Variants in MRPL22 observed in about 807,000 individuals in gnomAD.
MRPL22 encodes large ribosomal subunit protein uL22m.
MRPL22 carries 27 observed loss-of-function variants against 32.4 expected under a neutral mutation model. The observed-to-expected ratio is 0.83, with a 90% CI of 0.61 to 1.15. The LOEUF (loss-of-function observed/expected upper bound fraction) is 1.15. Among genes scored for constraint, MRPL22 ranks in the 50% most tolerant of loss-of-function variants. The pLI, the probability that MRPL22 is intolerant of heterozygous loss-of-function variation, is 0.00. For missense variants in MRPL22, 239 were observed against 260.2 expected, an observed-to-expected ratio of 0.92 and a Z score of 0.56; for synonymous variants, 86 against 87.3, an observed-to-expected ratio of 0.99 and a Z score of 0.08.
Position 154,957,228 on chromosome 5 carries a change from TG to T in MRPL22, c.339+19del. 6.2e-7 allele frequency: 1 copy of T among 1,603,346 alleles called. No homozygotes were observed. The highest frequency in any genetic ancestry group is 8.5e-7 in the Non-Finnish European group (1 of 1,170,260). ...AATTAAAGAGGTAAACTTACAAGTT[TG>T]GGTGTGGTAGGGAATGGGGAACTGG... On this transcript the variant is annotated intron_variant, in intron 5 of 6. Coordinates refer to ENST00000523037, the MANE Select transcript of MRPL22 (RefSeq NM_014180.4).
chr5:154,951,001 T>A, intron 3 of MRPL22, 63 bp downstream of exon 3: 1 of 1,037,830 alleles, frequency 9.6e-7, no homozygotes, highest in Non-Finnish European at 1.5e-6. Context: ...AAGTGATTAG[T>A]AATGATTTAT....
At chr5:154,949,989 T>C (rs1041997566) in intron 2 of MRPL22, among the ~76,000 whole-genome samples, 2 of 152,160 alleles carry the variant, frequency 1.3e-5, no homozygotes, top group African/African-American at 4.8e-5. Context: ...ATTAGTCCAT[T>C]TCACACTGCT....
chr5:154,964,352 G>A (rs1764740571), intron 6 of MRPL22, among the ~76,000 whole-genome samples: 1 of 152,130 alleles, frequency 6.6e-6, no homozygotes, highest in African/African-American at 2.4e-5. Context: ...CAGCATTACA[G>A]TGTTATATAT....
chr5:154,966,949 A>C lies in MRPL22; in HGVS notation c.*52A>C. On this transcript the variant is annotated 3_prime_UTR_variant, in exon 7 of 7. Coordinates refer to ENST00000523037, the MANE Select transcript of MRPL22 (RefSeq NM_014180.4). ...TATATTTTGCCATTTATTTTCTAAA[A>C]ATAAACAAAAATTGAAGGCAAATGC... 6.7e-7 allele frequency: 1 copy of C among 1,499,256 alleles called. No homozygotes were observed. Among genetic ancestry groups the C allele is most frequent in the Non-Finnish European group, 9.0e-7 (1 of 1,113,820 alleles). 92.9% of individuals were successfully genotyped at this position (1,499,256 alleles called of 1,614,324 possible). A position where few individuals can be genotyped will look rare whatever the true frequency, so the allele number is the denominator to read the frequency against.
At chr5:154,956,489 G>A (rs755637585) in intron 4 of MRPL22, 53 bp downstream of exon 4, 41 of 1,262,502 alleles carry the variant, frequency 3.2e-5, no homozygotes, top group Non-Finnish European at 4.4e-5. Flanking sequence ...AAGAAGCTAT[G>A]AGTTCCCCTC....
At chr5:154,960,219 A>G (rs1029566249) in intron 6 of MRPL22, among the ~76,000 whole-genome samples, 170 bp downstream of exon 6, 3 of 152,188 alleles carry the variant, frequency 2.0e-5, no homozygotes, top group African/African-American at 7.2e-5. Flanking sequence ...AATTTAGTGT[A>G]AATGACAATA....
At chr5:154,961,469 G>A (rs899428073) in intron 6 of MRPL22, among the ~76,000 whole-genome samples, 2 of 152,168 alleles carry the variant, frequency 1.3e-5, no homozygotes, top group Non-Finnish European at 2.9e-5. Context: ...TGTGAGATTC[G>A]TAGCTGATAG....
intron 6 of MRPL22, among the ~76,000 whole-genome samples, chr5:154,960,306 C>T (rs1405994136): frequency 6.6e-6 from 1 of 152,044 alleles, no homozygotes; most frequent in Non-Finnish European, 1.5e-5. Flanking sequence ...ATAATAGATA[C>T]CAAGACTGGG....
intron 2 of MRPL22, among the ~76,000 whole-genome samples, chr5:154,948,414 C>T (rs1764519402): frequency 1.3e-5 from 2 of 151,962 alleles, no homozygotes; most frequent in Admixed American, 6.6e-5. Flanking sequence ...TTTATTCAAC[C>T]CTCTCTTTTT....
chr5:154,951,243 G>T (rs545445160), intron 3 of MRPL22, among the ~76,000 whole-genome samples: 35 of 152,276 alleles, frequency 2.3e-4, no homozygotes, highest in African/African-American at 7.5e-4. Flanking sequence ...TGTGGAGTTG[G>T]CAAGAATGAC....
chr5:154,958,098 T>C (rs1764654649), intron 5 of MRPL22, among the ~76,000 whole-genome samples: 1 of 152,008 alleles, frequency 6.6e-6, no homozygotes, highest in African/African-American at 2.4e-5. Context: ...TTTGTATTTT[T>C]AGTAGAGATG....
At chr5:154,950,393 A>G (rs1232590285) in intron 2 of MRPL22, among the ~76,000 whole-genome samples, 2 of 152,170 alleles carry the variant, frequency 1.3e-5, no homozygotes, top group Non-Finnish European at 2.9e-5. Context: ...GCTGTTTCCC[A>G]TATTTTAGTT....
intron 2 of MRPL22, among the ~76,000 whole-genome samples, chr5:154,948,550 G>A (rs915520652): frequency 6.6e-6 from 1 of 152,066 alleles, no homozygotes; most frequent in African/African-American, 2.4e-5. Flanking sequence ...TTCCTATTTT[G>A]AATCTAGGGG....
chr5:154,960,409 A>G (rs942096621), intron 6 of MRPL22, among the ~76,000 whole-genome samples: 3 of 152,228 alleles, frequency 2.0e-5, no homozygotes, highest in Non-Finnish European at 2.9e-5. Flanking sequence ...GTAAATAATC[A>G]CAGGTGCATT....
At chr5:154,962,965 A>C (rs1407891882) in intron 6 of MRPL22, among the ~76,000 whole-genome samples, 1 of 152,188 alleles carries the variant, frequency 6.6e-6, no homozygotes, top group African/African-American at 2.4e-5. Context: ...TTTGAGACGG[A>C]GTCTCACTCT....
intron 2 of MRPL22, among the ~76,000 whole-genome samples, chr5:154,944,899 T>C (rs1402394258): frequency 1.3e-5 from 2 of 152,150 alleles, no homozygotes; most frequent in Non-Finnish European, 2.9e-5. Flanking sequence ...CAAGGAACCA[T>C]ATCTGGTGTC....
At chr5:154,956,832 A>G (rs1764636660) in intron 4 of MRPL22, 2 of 361,726 alleles carry the variant, frequency 5.5e-6, no homozygotes, top group Non-Finnish European at 5.0e-6. Context: ...CATTTATCCT[A>G]TAGGAGAAGG....
chr5:154,958,148 A>G (rs912806141), intron 5 of MRPL22, among the ~76,000 whole-genome samples: 1 of 151,908 alleles, frequency 6.6e-6, no homozygotes, highest in Non-Finnish European at 1.5e-5. Context: ...TGAACTCCTG[A>G]CCTCAGGCGA....
chr5:154,941,136 T>A lies in MRPL22; in HGVS notation c.26T>A (p.Leu9Ter). 6.2e-7 allele frequency: 1 copy of A among 1,614,006 alleles called. No individual in the cohort carries two copies. The highest frequency in any genetic ancestry group is 8.5e-7 in the Non-Finnish European group (1 of 1,180,008). ...ATGGCGGCGGCAGTACTGGGACAGT[T>A]GGGTAAGGATTTCTTAGTGGTTAAG... The part of the protein sequence containing the change: MAAAVLGQ[L>*]GALWIHNLRS... The change falls in exon 1 of 7, where the codon TTG (leucine) becomes TAG (stop). Residue 9 changes from leucine to a stop codon, truncating the protein, a stop_gained and splice_region_variant. Coordinates refer to ENST00000523037, the MANE Select transcript of MRPL22 (RefSeq NM_014180.4). LOFTEE classifies it high-confidence loss of function.
Sources: gnomAD v4.1 joint callset for allele counts (sites outside exome capture counted in the v4.1 genomes callset) on GRCh38, gnomAD v4.1.1 for gene constraint, MANE v1.5 for transcripts, NCBI Gene and HGNC (gene_info 2026-07-23, HGNC 2026-07-21) for gene names.